AVEN: variants seen among roughly 807,000 people sequenced by gnomAD.
The protein encoded by AVEN is cell death regulator Aven.
In AVEN, 41 loss-of-function variants were observed where a neutral mutation model predicts 38.1. The observed-to-expected ratio is 1.08, with a 90% confidence interval of 0.84 to 1.40. The LOEUF (loss-of-function observed/expected upper bound fraction) is 1.40, where lower values mean the gene tolerates loss of function less well. Ranked by LOEUF, AVEN falls within the 40% of genes most tolerant of loss-of-function variation. AVEN has a pLI of 0.00. For synonymous variants in AVEN, 206 were observed against 171.8 expected (o/e 1.20, Z -1.56); for missense variants, 605 against 438.8 (o/e 1.38, Z -3.38).
At chr15:34,001,190 T>G (rs1897124740) in intron 2 of AVEN, among the ~76,000 whole-genome samples, 1 of 151,724 alleles carries the variant, frequency 6.6e-6, no homozygotes, top group Admixed American at 6.6e-5. Context: ...CCAGCTAATT[T>G]TTTGTGTTTT....
At chr15:33,979,179 T>C (rs556212303) in intron 2 of AVEN, among the ~76,000 whole-genome samples, 25 of 152,262 alleles carry the variant, frequency 1.6e-4, no homozygotes, top group African/African-American at 6.0e-4. Context: ...TAAACCCCTC[T>C]TCAAAATAAA....
chr15:34,008,483 C>CTTTT (rs200355232), intron 1 of AVEN, among the ~76,000 whole-genome samples: 4 of 119,236 alleles, frequency 3.4e-5, no homozygotes, highest in African/African-American at 1.3e-4. Flanking sequence ...GATGAAAAAC[C>CTTTT]TTTTTTTTTT....
At chr15:33,968,958 A>G (rs544208819) in intron 2 of AVEN, 2 of 152,236 alleles carry the variant, frequency 1.3e-5, no homozygotes, top group East Asian at 3.9e-4. Context: ...ATCCAAATGG[A>G]GTCTTCATCT....
At chr15:33,960,582 T>C (rs909127422) in intron 2 of AVEN, among the ~76,000 whole-genome samples, 1 of 152,132 alleles carries the variant, frequency 6.6e-6, no homozygotes, top group Admixed American at 6.6e-5. Flanking sequence ...AAAGAACTTC[T>C]TAAAAAATAA....
At chr15:34,034,741 C>A (rs1381070829) in intron 1 of AVEN, among the ~76,000 whole-genome samples, 1 of 152,054 alleles carries the variant, frequency 6.6e-6, no homozygotes, top group South Asian at 2.1e-4. Flanking sequence ...GATAAGGATG[C>A]CAAAATAATT....
At chr15:34,030,615 A>G (rs111583380) in intron 1 of AVEN, among the ~76,000 whole-genome samples, 1,849 of 151,774 alleles carry the variant, frequency 0.012, 17 homozygotes, top group Non-Finnish European at 0.017. Flanking sequence ...GGTGTGAGCC[A>G]CCACGCCCAG....
intron 2 of AVEN, among the ~76,000 whole-genome samples, chr15:33,910,279 G>A (rs1274400885): frequency 6.6e-6 from 1 of 152,136 alleles, no homozygotes; most frequent in African/African-American, 2.4e-5. Context: ...AAACAAGAGG[G>A]GAAGGTGTGA....
intron 1 of AVEN, among the ~76,000 whole-genome samples, chr15:34,028,802 T>C (rs1290932064): frequency 6.6e-6 from 1 of 151,880 alleles, no homozygotes; most frequent in African/African-American, 2.4e-5. Context: ...GAAGATAGGA[T>C]TCTAACCAGT....
At chr15:33,961,750 T>C (rs1310363513) in intron 2 of AVEN, among the ~76,000 whole-genome samples, 17 of 137,274 alleles carry the variant, frequency 1.2e-4, no homozygotes, top group South Asian at 2.3e-4. Flanking sequence ...GAGGCGGAGC[T>C]TGCAGTGAGC....
At chr15:33,869,762 G>T (rs1473575318) in intron 4 of AVEN, among the ~76,000 whole-genome samples, 2 of 151,776 alleles carry the variant, frequency 1.3e-5, no homozygotes, top group Non-Finnish European at 2.9e-5. Flanking sequence ...TTCACCCACA[G>T]AAGGAAGTTG....
At chr15:33,856,828 T>G (rs1218142017), downstream of AVEN, 1 of 152,192 alleles carries the variant, frequency 6.6e-6, no homozygotes, top group African/African-American at 2.4e-5. Context: ...CAAGCTAATT[T>G]TTGTATTTTT....
intron 2 of AVEN, among the ~76,000 whole-genome samples, chr15:33,953,136 A>T (rs1459342820): frequency 6.6e-6 from 1 of 152,214 alleles, no homozygotes; most frequent in Non-Finnish European, 1.5e-5. Context: ...CGAAATAAAG[A>T]GGACACAAAC....
chr15:33,864,246 C>G (rs946709572), downstream of AVEN: 4 of 1,327,532 alleles, frequency 3.0e-6, no homozygotes, highest in South Asian at 3.7e-5. Flanking sequence ...AATCTTGAGA[C>G]TTAGTAGGGC....
intron 2 of AVEN, chr15:33,883,726 G>A (rs551555410): frequency 6.6e-6 from 1 of 152,126 alleles, no homozygotes; most frequent in African/African-American, 2.4e-5. Context: ...ACATTTTCCA[G>A]TTGAATCATC....
intron 1 of AVEN, among the ~76,000 whole-genome samples, chr15:34,071,449 T>C (rs59109094): frequency 6.6e-6 from 1 of 152,074 alleles, no homozygotes; most frequent in Non-Finnish European, 1.5e-5. Context: ...AATTTTTTTT[T>C]ATTTTTAGTA....
chr15:34,033,085 CA>C lies in AVEN; in HGVS notation c.267+5694del, dbSNP rs552421571. 1.1e-3 allele frequency among the ~76,000 whole-genome samples: 164 copies of C among 152,164 alleles called. 3 individuals are homozygous for C. The highest frequency in any genetic ancestry group is 3.6e-3 in the African/African-American group (150 of 41,516). On this transcript the variant is annotated intron_variant, in intron 1 of 5. Coordinates refer to ENST00000306730, the MANE Select transcript of AVEN (RefSeq NM_020371.3). ...TTCTCAATCCTTACATCTATAAAAT[CA>C]AAAATTAGGAAAAGAATTGACACTG... is the stretch of plus-strand genomic sequence containing the variant.
At chr15:34,007,768 A>T (rs537859467) in intron 1 of AVEN, among the ~76,000 whole-genome samples, 11 of 152,304 alleles carry the variant, frequency 7.2e-5, no homozygotes, top group African/African-American at 2.2e-4. Context: ...GGAGGCTAGA[A>T]ATCTGAAATC....
At chr15:33,910,064 G>A (rs1005563719) in intron 2 of AVEN, among the ~76,000 whole-genome samples, 66 of 151,564 alleles carry the variant, frequency 4.4e-4, no homozygotes, top group African/African-American at 1.6e-3. Context: ...GGAGGTGGAG[G>A]TTGCAGTGAG....
chr15:34,025,772 TTGTG>T (rs566774077), intron 1 of AVEN, among the ~76,000 whole-genome samples: 56 of 151,850 alleles, frequency 3.7e-4, no homozygotes, highest in African/African-American at 1.3e-3. Flanking sequence ...GTGTGTGTGT[TTGTG>T]TGTGTGTGCG....
Sources: allele counts gnomAD v4.1 joint callset (sites outside exome capture counted in the v4.1 genomes callset), GRCh38; gene constraint gnomAD v4.1.1; transcripts MANE v1.5; gene names NCBI Gene and HGNC (gene_info 2026-07-23, HGNC 2026-07-21).